GRIK5: variants seen among roughly 807,000 people sequenced by gnomAD.
GRIK5 encodes the protein glutamate receptor ionotropic, kainate 5.
A neutral mutation model predicts 97.4 loss-of-function variants in GRIK5; 43 were observed. That is an observed-to-expected ratio of 0.44 (90% CI 0.35 to 0.57). The LOEUF (loss-of-function observed/expected upper bound fraction) is 0.57. GRIK5 is among the 20% of genes least tolerant of loss of function. The probability of loss-of-function intolerance (pLI) is 0.01; values close to 1 mark genes in which losing one functional copy is unlikely to be tolerated. For synonymous variants in GRIK5, 580 were observed against 583.5 expected (o/e 0.99, Z 0.09); for missense variants, 1,015 against 1,382.0 (o/e 0.73, Z 4.21).
At chr19:42,061,416 C>G (rs1599848681) in intron 5 of GRIK5, among the ~76,000 whole-genome samples, 1 of 151,920 alleles carries the variant, frequency 6.6e-6, no homozygotes, top group East Asian at 1.9e-4. Context: ...TGGCCTCAAG[C>G]CATCCTCCCA....
In GRIK5 at chr19:42,062,092, G is replaced by C. The variant is rs2076267059; in HGVS notation, c.508+396C>G. ...TCTCTTTCTCATAGACACAGGCTCT[G>C]AACCTCCCAGATGGATTAGGATCCC... On this transcript the variant is annotated intron_variant, in intron 5 of 19. Transcript: ENST00000593562. This position sits in a 1 kb window ranked among gnomAD's most constrained non-coding sequence, Gnocchi z 5.3. Among the ~76,000 whole-genome samples, 1 of 152,160 alleles carries C rather than the reference G, an allele frequency of 6.6e-6. No individual in the cohort carries two copies. Among genetic ancestry groups the C allele is most frequent in the African/African-American group, 2.4e-5 (1 of 41,436 alleles).
At position 42,059,896 on chromosome 19, in the gene GRIK5, C is replaced by T. The variant is rs577901228; in HGVS notation, c.509-369G>A. Among the ~76,000 whole-genome samples the T allele has an allele frequency of 3.9e-5, 6 of 152,184 alleles. No individual in the cohort carries two copies. In the South Asian group the frequency reaches 1.2e-3, roughly 32 times the overall value. Reference sequence around the variant, plus strand: ...TCAGGCCAAAACTCTGGCTTCCTCTCTTTCACACCCAATCCATCAAGGCCC... The same window carrying T: ...TCAGGCCAAAACTCTGGCTTCCTCTTTTTCACACCCAATCCATCAAGGCCC... On this transcript the variant is annotated intron_variant, in intron 5 of 19. Transcript: ENST00000593562.
intron 17 of GRIK5, among the ~76,000 whole-genome samples, chr19:42,004,159 CCT>C (rs1365816840): frequency 3.9e-5 from 6 of 152,206 alleles, no homozygotes; most frequent in East Asian, 3.8e-4. Flanking sequence ...CGCCCCACTC[CCT>C]GTCAGTGTCT....
chr19:42,062,657 G>C lies in GRIK5; in HGVS notation c.343-4C>G. On this transcript the variant is annotated splice_region_variant and splice_polypyrimidine_tract_variant and intron_variant, in intron 4 of 19. Transcript: ENST00000593562. The surrounding 1 kb of genome is among the most constrained non-coding windows in gnomAD (Gnocchi z 5.3). ...GACCCACCTTGATGTGGGGGATCTG[G>C]ACAGAGAGGAAACTTTGGCCTCCAT... 6.2e-7 allele frequency: 1 copy of C among 1,613,998 alleles called. No homozygotes were observed. The highest frequency in any genetic ancestry group is 8.5e-7 in the Non-Finnish European group (1 of 1,179,944).
At chr19:42,011,991 C>T (rs2075568502) in intron 15 of GRIK5, among the ~76,000 whole-genome samples, 1 of 151,938 alleles carries the variant, frequency 6.6e-6, no homozygotes, top group Non-Finnish European at 1.5e-5. Flanking sequence ...CAGTAACCCC[C>T]TAAAGGTAGA....
intron 11 of GRIK5, among the ~76,000 whole-genome samples, chr19:42,048,947 TAGG>T (rs1003174243): frequency 4.0e-4 from 61 of 151,432 alleles, no homozygotes; most frequent in African/African-American, 1.4e-3. Context: ...GAGGCTGAGA[TAGG>T]AGAAGTGCTG....
At chr19:42,034,500 C>T (rs891728431) in intron 12 of GRIK5, among the ~76,000 whole-genome samples, 1 of 152,110 alleles carries the variant, frequency 6.6e-6, no homozygotes, top group Non-Finnish European at 1.5e-5. Context: ...CACACTTTTC[C>T]CCTCAAGTCT....
intron 15 of GRIK5, among the ~76,000 whole-genome samples, chr19:42,008,184 AT>A (rs1168719194): frequency 2.6e-5 from 4 of 152,050 alleles, no homozygotes; most frequent in Non-Finnish European, 5.9e-5. Flanking sequence ...CGCCTGACTA[AT>A]GTTTGTATTT....
At chr19:42,040,654 C>A (rs2075966369) in intron 12 of GRIK5, among the ~76,000 whole-genome samples, 1 of 152,144 alleles carries the variant, frequency 6.6e-6, no homozygotes, top group East Asian at 1.9e-4. Context: ...GCCAGGAGTT[C>A]AAGACCAGCC....
rs1476648207 is a variant in GRIK5, at chr19:42,003,618, T to C, written c.2329A>G (p.Ile777Val). ...LQLQENNRLE[I>V]LKRKWWEGGR... Reference sequence around the variant, plus strand: ...CCCTCCCACCACTTGCGCTTCAGGATCTCCAGCCGGTTGTTCTCCTGAAGC... The same window carrying C: ...CCCTCCCACCACTTGCGCTTCAGGACCTCCAGCCGGTTGTTCTCCTGAAGC... Residue 777 changes from isoleucine to valine, a missense_variant, in exon 18 of 20, where the codon ATC becomes GTC. By Grantham distance (29) the Ile-to-Val change is conservative. Transcript: ENST00000593562. This position sits in a 1 kb window ranked among gnomAD's most constrained non-coding sequence, Gnocchi z 4.2. 1 of 1,613,516 alleles carries C rather than the reference T, an allele frequency of 6.2e-7. No individual in the cohort carries two copies. The highest frequency in any genetic ancestry group is 8.5e-7 in the Non-Finnish European group (1 of 1,179,792).
At chr19:42,016,533 A>G (rs1166876080) in intron 15 of GRIK5, among the ~76,000 whole-genome samples, 1 of 152,172 alleles carries the variant, frequency 6.6e-6, no homozygotes, top group African/African-American at 2.4e-5. Flanking sequence ...GGTGGTGGTG[A>G]TGGGGCCACT....
intron 1 of GRIK5, among the ~76,000 whole-genome samples, chr19:42,066,414 A>G (rs111966777): frequency 0.018 from 2,794 of 151,610 alleles, 72 homozygotes; most frequent in African/African-American, 0.064. Flanking sequence ...GATGGAGAAA[A>G]AGAGAGAGAG....
At chr19:42,016,641 G>A (rs1301120184) in intron 15 of GRIK5, among the ~76,000 whole-genome samples, 1 of 152,214 alleles carries the variant, frequency 6.6e-6, no homozygotes, top group African/African-American at 2.4e-5. Context: ...TGCCTGTTGA[G>A]CTCCCAAGAG....
rs1397977040 is a variant in GRIK5 at position 42,006,379 on chromosome 19, C to T, written c.2037+266G>A. 1.3e-5 allele frequency among the ~76,000 whole-genome samples: 2 copies of T among 152,196 alleles called. No individual in the cohort carries two copies. Among genetic ancestry groups the T allele is most frequent in the Non-Finnish European group, 2.9e-5 (2 of 68,036 alleles). On this transcript the variant is annotated intron_variant, in intron 16 of 19. Coordinates refer to ENST00000593562, the MANE Select transcript of GRIK5 (RefSeq NM_002088.5). The surrounding 1 kb of genome is among the most constrained non-coding windows in gnomAD (Gnocchi z 5.3). ...TGTCAGCCCATATTCCTGGTCCCGA[C>T]CCTTCCAGCAGCCTCCTTGATCCCA...
At chr19:42,048,935 A>C (rs2076077952) in intron 11 of GRIK5, among the ~76,000 whole-genome samples, 1 of 151,878 alleles carries the variant, frequency 6.6e-6, no homozygotes, top group Non-Finnish European at 1.5e-5. Context: ...CCAGCTACTC[A>C]GGAGGCTGAG....
chr19:42,053,523 C>A, intron 11 of GRIK5, 79 bp downstream of exon 11: 2 of 870,776 alleles, frequency 2.3e-6, no homozygotes, highest in South Asian at 2.7e-5. Context: ...CCAGCCAATG[C>A]ATCCCTCCAC....
chr19:42,023,813 G>A (rs1411034259), intron 12 of GRIK5, among the ~76,000 whole-genome samples: 6 of 152,296 alleles, frequency 3.9e-5, no homozygotes, highest in East Asian at 3.9e-4. Flanking sequence ...AGCACTGGCC[G>A]CCTCATCGGC....
At chr19:42,000,854 C>G (rs782677710) in intron 19 of GRIK5, among the ~76,000 whole-genome samples, 2 of 152,190 alleles carry the variant, frequency 1.3e-5, no homozygotes, top group African/African-American at 2.4e-5. Context: ...GTCTGAGGAA[C>G]TGAGGCCTCC....
chr19:42,065,831 A>AC lies in GRIK5; in HGVS notation c.-50-12dup, dbSNP rs2076324513. ...GCCCCCACTCGCCACCTGCAGGGAG[A>AC]CCCCCCAGACCAAGGGGAGATTACT... On this transcript the variant is annotated splice_polypyrimidine_tract_variant and intron_variant, in intron 1 of 19. Coordinates refer to ENST00000593562, the MANE Select transcript of GRIK5 (RefSeq NM_002088.5). The surrounding 1 kb of genome is among the most constrained non-coding windows in gnomAD (Gnocchi z 5.8). 5.3e-6 allele frequency: 7 copies of AC among 1,332,410 alleles called. No homozygotes were observed. Among genetic ancestry groups the AC allele is most frequent in the South Asian group, 2.5e-5 (2 of 79,734 alleles). The allele number at this position is 1,332,410 out of a possible 1,614,324, so 82.5% of individuals were successfully genotyped here. A position where few individuals can be genotyped will look rare whatever the true frequency, so the allele number is the denominator to read the frequency against.
Sources: gnomAD v4.1 joint callset for allele counts (sites outside exome capture counted in the v4.1 genomes callset) on GRCh38, gnomAD v4.1.1 for gene constraint, Gnocchi (gnomAD v3.1) non-coding constraint, MANE v1.5 for transcripts, NCBI Gene and HGNC (gene_info 2026-07-23, HGNC 2026-07-21) for gene names.